MAML3: variants seen among roughly 807,000 people sequenced by gnomAD.
MAML3 encodes mastermind like transcriptional coactivator 3, also known as mastermind-like protein 3.
A neutral mutation model predicts 101.9 loss-of-function variants in MAML3; 27 were observed. The observed-to-expected ratio is 0.27, with a 90% CI of 0.20 to 0.37. The LOEUF (loss-of-function observed/expected upper bound fraction) is 0.37, where lower values mean the gene tolerates loss of function less well. Among genes scored for constraint, MAML3 ranks in the 10% least tolerant of loss-of-function variants. MAML3 has a pLI of 1.00. For synonymous variants in MAML3, 501 were observed against 555.9 expected, an observed-to-expected ratio of 0.90 and a Z score of 1.39; for missense variants, 1,316 against 1,444.9, an observed-to-expected ratio of 0.91 and a Z score of 1.45.
chr4:140,024,996 G>C (rs144623383), intron 1 of MAML3, among the ~76,000 whole-genome samples: 74 of 152,322 alleles, frequency 4.9e-4, no homozygotes, highest in African/African-American at 1.6e-3. Context: ...TTTCCTAAGA[G>C]TACTCGATGG....
intron 2 of MAML3, among the ~76,000 whole-genome samples, chr4:139,754,695 T>G (rs1729608078): frequency 6.6e-6 from 1 of 152,238 alleles, no homozygotes; most frequent in Admixed American, 6.5e-5. Flanking sequence ...TGGAAAGATA[T>G]GACCTATTTA....
chr4:139,848,200 G>A, intron 2 of MAML3, among the ~76,000 whole-genome samples: 1 of 152,180 alleles, frequency 6.6e-6, no homozygotes, highest in East Asian at 1.9e-4. Context: ...TGCTGCTGCT[G>A]CACCTAATGA....
intron 1 of MAML3, among the ~76,000 whole-genome samples, chr4:139,948,439 C>G (rs545080404): frequency 2.1e-4 from 32 of 152,330 alleles, no homozygotes; most frequent in Admixed American, 2.0e-3. Flanking sequence ...CATCAGGAAA[C>G]TGCTTCCAAG....
chr4:139,988,384 A>T (rs1363915882), intron 1 of MAML3, among the ~76,000 whole-genome samples: 3 of 151,562 alleles, frequency 2.0e-5, no homozygotes, highest in Non-Finnish European at 4.4e-5. Flanking sequence ...TACTACTTTG[A>T]AGGACTTTTA....
chr4:139,806,190 C>T (rs921431079), intron 2 of MAML3, among the ~76,000 whole-genome samples: 1 of 151,918 alleles, frequency 6.6e-6, no homozygotes, highest in Non-Finnish European at 1.5e-5. Context: ...ACATTAAAAA[C>T]CCTTAAAAAT....
chr4:139,745,563 T>C (rs534190230), intron 2 of MAML3, among the ~76,000 whole-genome samples: 7 of 152,158 alleles, frequency 4.6e-5, no homozygotes, highest in Admixed American at 1.3e-4. Flanking sequence ...CATGTGCAAA[T>C]ATCTGGGGTC....
At position 139,790,216 on chromosome 4, in the gene MAML3, CATATATATATATAT is replaced by C. The variant is rs367675413; in HGVS notation, c.2080-59563_2080-59550del. Among the ~76,000 whole-genome samples, 242 of 110,232 alleles carry C rather than the reference CATATATATATATAT, an allele frequency of 2.2e-3. 5 individuals are homozygous for C. The highest frequency in any genetic ancestry group is 8.7e-3 in the African/African-American group (234 of 27,028). 72.3% of individuals were successfully genotyped at this position (110,232 alleles called of 152,430 possible). A position where few individuals can be genotyped will look rare whatever the true frequency, so the allele number is the denominator to read the frequency against. ...AGATGTGTCAACTCCACCCTAGTGA[CATATATATATATAT>C]ATATATATATATAAATAAATATATA... On this transcript the variant is annotated intron_variant, in intron 2 of 4. Coordinates refer to ENST00000509479, the MANE Select transcript of MAML3 (RefSeq NM_018717.5).
At chr4:139,860,197 G>A (rs890768911) in intron 2 of MAML3, among the ~76,000 whole-genome samples, 1 of 152,258 alleles carries the variant, frequency 6.6e-6, no homozygotes, top group Non-Finnish European at 1.5e-5. Flanking sequence ...CCGTGGGGTC[G>A]GAGTCGCTTC....
chr4:139,717,041 A>C lies in MAML3; in HGVS notation c.*2282T>G, dbSNP rs1376949443. The C allele has an allele frequency of 6.6e-6, 1 of 152,486 alleles. No individual in the cohort carries two copies. The highest frequency in any genetic ancestry group is 2.4e-5 in the African/African-American group (1 of 41,458). The allele number at this position is 152,486 out of a possible 1,614,324, so 9.4% of individuals were successfully genotyped here. A position where few individuals can be genotyped will look rare whatever the true frequency, so the allele number is the denominator to read the frequency against. On this transcript the variant is annotated 3_prime_UTR_variant, in exon 5 of 5. Transcript: ENST00000509479. The stretch of plus-strand genomic sequence containing the variant: ...ATACTCTATTTTAAACAAACAGTAT[A>C]TATATATTTATATGTATATTTTTTA...
intron 1 of MAML3, among the ~76,000 whole-genome samples, chr4:139,951,355 C>CG (rs1733828837): frequency 6.6e-6 from 1 of 152,226 alleles, no homozygotes; most frequent in Non-Finnish European, 1.5e-5. Context: ...TGCACACCAG[C>CG]AAGGAAGAGA....
chr4:140,033,094 A>G (rs1373003573), intron 1 of MAML3, among the ~76,000 whole-genome samples: 1 of 152,224 alleles, frequency 6.6e-6, no homozygotes, highest in African/African-American at 2.4e-5. Flanking sequence ...GCATACAAGA[A>G]TAAGGCTCTG....
Position 139,719,544 on chromosome 4 carries a change from C to T in MAML3, c.3196G>A (p.Ala1066Thr), listed in dbSNP as rs751215422. 7.4e-6 allele frequency: 12 copies of T among 1,613,730 alleles called. No individual in the cohort carries two copies. In the East Asian group the frequency reaches 2.2e-4, roughly 30 times the overall value. Residue 1066 changes from alanine (A) to threonine (T), a missense_variant, in exon 5 of 5, where the codon GCA (alanine) becomes ACA (threonine). Physicochemically the swap from Ala to Thr is moderately conservative, Grantham distance 58. Transcript: ENST00000509479. ...CTGCCACTGGGTATCTGCTGCTGTG[C>T]TGGGGGCTGGCTGAACGCTGGCATG... ...PGMPAFSQPP[A>T]QQQIPSGSFA...
intron 1 of MAML3, among the ~76,000 whole-genome samples, chr4:139,933,574 C>A (rs1462308728): frequency 6.6e-6 from 1 of 152,166 alleles, no homozygotes; most frequent in Non-Finnish European, 1.5e-5. Context: ...TTTTTCTGGG[C>A]TTCTCAAGGC....
intron 1 of MAML3, among the ~76,000 whole-genome samples, chr4:139,939,657 T>A (rs1733563333): frequency 6.6e-6 from 1 of 152,158 alleles, no homozygotes; most frequent in Non-Finnish European, 1.5e-5. Context: ...TATTTGTGAC[T>A]TTTTTCCATT....
chr4:140,029,269 C>T lies in MAML3; in HGVS notation c.468+123591G>A, dbSNP rs77975153. On this transcript the variant is annotated intron_variant, in intron 1 of 4. Coordinates refer to ENST00000509479, the MANE Select transcript of MAML3 (RefSeq NM_018717.5). ...GCCACCTGAAAATAGTACACTTGGTCACTTCCAGCAATGGTTCCTCCCTTG... is the reference window on the plus strand; with the variant it reads ...GCCACCTGAAAATAGTACACTTGGTTACTTCCAGCAATGGTTCCTCCCTTG... 5.9e-3 allele frequency among the ~76,000 whole-genome samples: 904 copies of T among 152,324 alleles called. 7 individuals are homozygous for T. Among genetic ancestry groups the T allele is most frequent in the African/African-American group, 0.021 (857 of 41,560 alleles).
At chr4:139,925,802 T>A (rs1733215055) in intron 1 of MAML3, among the ~76,000 whole-genome samples, 3 of 152,172 alleles carry the variant, frequency 2.0e-5, no homozygotes. Flanking sequence ...AAAAGTTTTT[T>A]ATAAAAAGTA....
chr4:140,101,273 G>A (rs1728248024), intron 1 of MAML3, among the ~76,000 whole-genome samples: 1 of 152,136 alleles, frequency 6.6e-6, no homozygotes, highest in South Asian at 2.1e-4. Context: ...AATCCCTTTT[G>A]GCCCAGCGTC....
chr4:139,776,769 T>G (rs998034921), intron 2 of MAML3, among the ~76,000 whole-genome samples: 2 of 73,176 alleles, frequency 2.7e-5, no homozygotes, highest in Non-Finnish European at 6.4e-5. Context: ...CTTCCTGGGA[T>G]GGCTTAGAAA....
chr4:139,954,923 GAAT>G (rs1010390429), intron 1 of MAML3, among the ~76,000 whole-genome samples: 2 of 151,764 alleles, frequency 1.3e-5, no homozygotes, highest in African/African-American at 4.8e-5. Flanking sequence ...AAAAATTAAA[GAAT>G]AACAATGATA....
Sources: gnomAD v4.1 joint callset for allele counts (sites outside exome capture counted in the v4.1 genomes callset) on GRCh38, gnomAD v4.1.1 for gene constraint, MANE v1.5 for transcripts, NCBI Gene and HGNC (gene_info 2026-07-23, HGNC 2026-07-21) for gene names.